ARAP2: variants seen among roughly 807,000 people sequenced by gnomAD.
ARAP2 encodes the protein arf-GAP with Rho-GAP domain, ANK repeat and PH domain-containing protein 2.
In ARAP2, 148 loss-of-function variants were observed where a neutral mutation model predicts 194.5. The ratio of observed to expected loss-of-function variants is 0.76; its 90% CI spans 0.67 to 0.87. The LOEUF (loss-of-function observed/expected upper bound fraction) is 0.87, where lower values mean the gene tolerates loss of function less well. Among genes scored for constraint, ARAP2 ranks in the 40% least tolerant of loss-of-function variants. The pLI, the probability that ARAP2 is intolerant of heterozygous loss-of-function variation, is 0.00. For missense variants in ARAP2, 2,128 were observed against 1,989.7 expected (o/e 1.07, Z -1.32); for synonymous variants, 695 against 683.5 (o/e 1.02, Z -0.26).
chr4:36,058,415 T>C (rs1723877304), intron 1 of ARAP2, among the ~76,000 whole-genome samples: 1 of 152,204 alleles, frequency 6.6e-6, no homozygotes. Flanking sequence ...TAAAAAATCA[T>C]CTCAACCTGA....
chr4:36,211,443 C>T (rs1746748205), intron 5 of ARAP2, among the ~76,000 whole-genome samples: 1 of 152,114 alleles, frequency 6.6e-6, no homozygotes, highest in South Asian at 2.1e-4. Context: ...TCATTAATGC[C>T]AAAGGACATT....
chr4:36,008,093 A>C (rs1423962531), intron 9 of ARAP2, among the ~76,000 whole-genome samples: 1 of 152,164 alleles, frequency 6.6e-6, no homozygotes, highest in Non-Finnish European at 1.5e-5. Context: ...TGGAAGAATC[A>C]ACATCACTAA....
At chr4:36,141,280 A>C (rs1255886774) in intron 19 of ARAP2, among the ~76,000 whole-genome samples, 1 of 151,612 alleles carries the variant, frequency 6.6e-6, no homozygotes, top group Non-Finnish European at 1.5e-5. Flanking sequence ...AAAGAAAAGC[A>C]CAGGATCTAA....
At chr4:36,223,350 T>C (rs1166193603) in intron 2 of ARAP2, among the ~76,000 whole-genome samples, 1 of 152,140 alleles carries the variant, frequency 6.6e-6, no homozygotes, top group Non-Finnish European at 1.5e-5. Flanking sequence ...ACTTTCCCTA[T>C]GTCGATTTTA....
intron 1 of ARAP2, among the ~76,000 whole-genome samples, chr4:36,235,540 C>CCCTT (rs1752274508): frequency 6.6e-6 from 1 of 152,234 alleles, no homozygotes; most frequent in African/African-American, 2.4e-5. Flanking sequence ...GACTCACCAT[C>CCCTT]CCTTATCCTT....
chr4:36,114,185 C>T lies in ARAP2; in HGVS notation c.4141G>A (p.Glu1381Lys), dbSNP rs1007317859. ...GDIWATFEVI[E>K]NEELERPLHY... The stretch of plus-strand genomic sequence containing the variant: ...AATCACTTACCTAGCTCTTCATTTT[C>T]AATGACTTCAAATGTGGCCCAAATA... The change falls in exon 26 of 33, where the codon GAA (glutamate) becomes AAA (lysine). Residue 1381 changes from glutamate (E) to lysine (K), a missense_variant. Transcript: ENST00000303965. 1 of 1,590,788 alleles carries T rather than the reference C, an allele frequency of 6.3e-7. No homozygotes were observed. Among genetic ancestry groups the T allele is most frequent in the Non-Finnish European group, 8.6e-7 (1 of 1,162,612 alleles).
rs1399312776 is a variant in ARAP2, at chr4:36,165,028, C to T, written c.2059G>A (p.Val687Ile). 4 of 1,614,070 alleles carry T rather than the reference C, an allele frequency of 2.5e-6. No individual in the cohort carries two copies. The highest frequency in any genetic ancestry group is 1.3e-5 in the African/African-American group (1 of 75,058). ...TCATTGAACCAAATCTTCTCAGCTA[C>T]TTCATAATCAGAGAGAGTTTCTGCT... ...SIAETLSDYE[V>I]AEKIWFNESN... The change falls in exon 11 of 33, where the codon GTA (valine) becomes ATA (isoleucine). Residue 687 changes from valine to isoleucine, a missense_variant. Coordinates refer to ENST00000303965, the MANE Select transcript of ARAP2 (RefSeq NM_015230.4).
chr4:36,067,912 T>C lies in ARAP2; in HGVS notation c.5110A>G (p.Lys1704Glu). Reference sequence around the variant, plus strand: ...GGAGCAATTCATTTTATTTCCTACTTCAAAATCTGCTCATCCTGTAATTCT... The same window carrying C: ...GGAGCAATTCATTTTATTTCCTACTCCAAAATCTGCTCATCCTGTAATTCT... ...PKELQDEQIL[K>E] Residue 1704 changes from lysine to glutamate, a missense_variant, in exon 33 of 33, where the codon AAG (lysine) becomes GAG (glutamate). Lys to Glu is a moderately conservative substitution (Grantham distance 56). Coordinates refer to ENST00000303965, the MANE Select transcript of ARAP2 (RefSeq NM_015230.4). The C allele has an allele frequency of 6.4e-7, 1 of 1,571,646 alleles. No homozygotes were observed. Among genetic ancestry groups the C allele is most frequent in the Non-Finnish European group, 8.6e-7 (1 of 1,157,288 alleles).
chr4:36,074,748 A>G (rs1460674950), intron 31 of ARAP2, among the ~76,000 whole-genome samples: 1 of 152,136 alleles, frequency 6.6e-6, no homozygotes, highest in Non-Finnish European at 1.5e-5. Flanking sequence ...TTCTTAAGCA[A>G]CAGATTATTG....
Position 36,132,813 on chromosome 4 carries a change from T to G in ARAP2, c.3427+413A>C, listed in dbSNP as rs949503957. 3.3e-5 allele frequency among the ~76,000 whole-genome samples: 5 copies of G among 151,824 alleles called. No homozygotes were observed. In the Admixed American group the frequency reaches 3.3e-4, roughly 10 times the overall value. ...CAAAGAAAGCAAATTATTTGACATA[T>G]TGTTCCACAGTTCATCACTTCTAAA... On this transcript the variant is annotated intron_variant, in intron 20 of 32. Coordinates refer to ENST00000303965, the MANE Select transcript of ARAP2 (RefSeq NM_015230.4).
At chr4:36,057,053 G>GT (rs11295608) in intron 2 of ARAP2, among the ~76,000 whole-genome samples, 5 of 145,110 alleles carry the variant, frequency 3.4e-5, no homozygotes, top group South Asian at 2.2e-4. Context: ...GTTTTTTGTT[G>GT]TTTTTTTTTT....
At chr4:36,178,058 C>CA in intron 8 of ARAP2, 53 bp from the exon 9 acceptor site, 2 of 1,471,994 alleles carry the variant, frequency 1.4e-6, no homozygotes, top group Admixed American at 4.6e-5. Flanking sequence ...GTTACATAGA[C>CA]ACAGAAACGT....
At chr4:36,031,216 T>A (rs1718892216) in intron 5 of ARAP2, among the ~76,000 whole-genome samples, 1 of 152,222 alleles carries the variant, frequency 6.6e-6, no homozygotes, top group Admixed American at 6.5e-5. Flanking sequence ...TAATTTATTC[T>A]CGTTTCATAA....
chr4:36,008,704 A>T (rs1209669305), intron 9 of ARAP2, among the ~76,000 whole-genome samples: 3 of 152,136 alleles, frequency 2.0e-5, no homozygotes, highest in Non-Finnish European at 4.4e-5. Context: ...TAATGACAGG[A>T]TGTAATTAAA....
intron 22 of ARAP2, 144 bp from the exon 23 acceptor site, chr4:36,121,470 T>G: frequency 1.6e-6 from 1 of 640,862 alleles, no homozygotes; most frequent in Non-Finnish European, 2.5e-6. Context: ...AAGCATATGG[T>G]TCTTTCTTCT....
chr4:36,219,460 AAACT>A (rs1331707557), intron 2 of ARAP2, among the ~76,000 whole-genome samples: 1 of 152,230 alleles, frequency 6.6e-6, no homozygotes, highest in Non-Finnish European at 1.5e-5. Flanking sequence ...CAAATAGGCA[AAACT>A]AACTAATAGT....
intron 27 of ARAP2, among the ~76,000 whole-genome samples, chr4:36,093,300 C>T (rs900257548): frequency 1.3e-5 from 2 of 151,910 alleles, no homozygotes; most frequent in African/African-American, 4.8e-5. Context: ...ACAACACACC[C>T]CCATGACCCA....
chr4:36,143,557 G>A (rs1728876331), intron 19 of ARAP2, among the ~76,000 whole-genome samples: 2 of 151,718 alleles, frequency 1.3e-5, no homozygotes, highest in African/African-American at 4.8e-5. Flanking sequence ...GGCTGTTTAA[G>A]TACTTAAAAT....
chr4:36,073,294 G>A (rs1727465151), intron 32 of ARAP2, among the ~76,000 whole-genome samples: 1 of 152,064 alleles, frequency 6.6e-6, no homozygotes, highest in African/African-American at 2.4e-5. Context: ...CAAAGCACTG[G>A]AATGTGATTA....
Sources: allele counts gnomAD v4.1 joint callset (sites outside exome capture counted in the v4.1 genomes callset), GRCh38; gene constraint gnomAD v4.1.1; transcripts MANE v1.5; gene names NCBI Gene and HGNC (gene_info 2026-07-23, HGNC 2026-07-21).